CLCA4: variants seen among roughly 807,000 people sequenced by gnomAD.
The protein encoded by CLCA4 is calcium-activated chloride channel regulator 4.
A neutral mutation model predicts 78.9 loss-of-function variants in CLCA4; 69 were observed. The ratio of observed to expected loss-of-function variants is 0.87; its 90% CI spans 0.72 to 1.07. CLCA4 has a LOEUF of 1.07. CLCA4 is among the 50% of genes least tolerant of loss of function. The pLI, the probability that CLCA4 is intolerant of heterozygous loss-of-function variation, is 0.00. For synonymous variants in CLCA4, 362 were observed against 375.8 expected (o/e 0.96, Z 0.42); for missense variants, 1,133 against 1,095.8 (o/e 1.03, Z -0.48).
rs754468914 is a variant in CLCA4 at position 86,579,436 on chromosome 1, C to T, written c.2205C>T (p.Ser735=). ...TGGAGGATTTCAGCCGAACAGCATC[C>T]GGAGGTGCATTTGTGGTATCACAAG... The part of the protein sequence containing the change: ...TTLEDFSRTA[S]GGAFVVSQVP... The change falls in exon 13 of 14, where the codon TCC becomes TCT. Residue 735 remains serine (S), a synonymous_variant. Transcript: ENST00000370563. The T allele has an allele frequency of 4.7e-5, 76 of 1,613,116 alleles. No individual in the cohort carries two copies. The highest frequency in any genetic ancestry group is 2.7e-4 in the Admixed American group (16 of 59,866).
At chr1:86,567,257 A>AT (rs543889329) in intron 6 of CLCA4, among the ~76,000 whole-genome samples, 167 bp from the exon 7 acceptor site, 24 of 151,998 alleles carry the variant, frequency 1.6e-4, no homozygotes, top group Admixed American at 1.4e-3. Flanking sequence ...ACACACCACC[A>AT]TTTTTTTAAT....
rs765923973 is a variant in CLCA4, at chr1:86,575,507, G to A, written c.1859G>A (p.Gly620Glu). 49 of 1,613,362 alleles carry A rather than the reference G, an allele frequency of 3.0e-5. No homozygotes were observed. The highest frequency in any genetic ancestry group is 2.3e-5 in the Non-Finnish European group (27 of 1,179,502). ...PMIVYAEILQ[G>E]YVPVLGANVT... ...ATTGTTTACGCAGAAATTCTACAAG[G>A]ATATGTACCTGTTCTTGGAGCCAAT... Residue 620 changes from glycine to glutamate, a missense_variant, in exon 11 of 14, where the codon GGA becomes GAA. Transcript: ENST00000370563.
At chr1:86,559,102 G>T (rs1420636993) in intron 1 of CLCA4, among the ~76,000 whole-genome samples, 2 of 152,116 alleles carry the variant, frequency 1.3e-5, no homozygotes, top group African/African-American at 4.8e-5. Context: ...CTCCTAGCAG[G>T]TTTGGGGAAG....
At position 86,565,831 on chromosome 1, in the gene CLCA4, T is replaced by A; in HGVS notation, c.765T>A (p.His255Gln). ...TTGAATTTTGTAACGAAAAAACCCA[T>A]AATCAAGAAGCTCCAAGCCTACAAA... ...SVVEFCNEKTHNQEAPSLQNI... is the reference protein window; with the variant it reads ...SVVEFCNEKTQNQEAPSLQNI... Residue 255 changes from histidine to glutamine, a missense_variant, in exon 6 of 14, where the codon CAT (histidine) becomes CAA (glutamine). Coordinates refer to ENST00000370563, the MANE Select transcript of CLCA4 (RefSeq NM_012128.4). 1 of 1,549,758 alleles carries A rather than the reference T, an allele frequency of 6.5e-7. No individual in the cohort carries two copies. Among genetic ancestry groups the A allele is most frequent in the Non-Finnish European group, 8.7e-7 (1 of 1,149,060 alleles).
In CLCA4 at chr1:86,560,008, T is replaced by G. The variant is rs773085050; in HGVS notation, c.236T>G (p.Leu79Ter). 1.2e-6 allele frequency: 2 copies of G among 1,609,412 alleles called. No homozygotes were observed. Among genetic ancestry groups the G allele is most frequent in the South Asian group, 2.2e-5 (2 of 89,866 alleles). ...KRFFFKNVSI[L>*]IPENWKENPQ... ...TTTTTTTTCAAAAATGTATCTATAT[T>G]AATTCCTGAGAATTGGAAGGAAAAT... The change falls in exon 2 of 14, where the codon TTA becomes TGA. Residue 79 changes from leucine to a stop codon, truncating the protein, a stop_gained. Transcript: ENST00000370563. LOFTEE classifies it high-confidence loss of function.
chr1:86,561,292 C>T (rs1053652589), intron 3 of CLCA4, among the ~76,000 whole-genome samples: 4 of 152,214 alleles, frequency 2.6e-5, no homozygotes, highest in Non-Finnish European at 5.9e-5. Context: ...GGCATGTCCA[C>T]CAAAGTCAGT....
Position 86,571,236 on chromosome 1 carries a change from G to A in CLCA4, c.1342G>A (p.Glu448Lys), listed in dbSNP as rs778031028. The A allele has an allele frequency of 1.9e-6, 3 of 1,611,990 alleles. No individual in the cohort carries two copies. Among genetic ancestry groups the A allele is most frequent in the Non-Finnish European group, 2.5e-6 (3 of 1,178,618 alleles). ...LGRAADEAVI[E>K]MSKITGGSHF... ...AAGAGCTGCTGATGAAGCAGTAATA[G>A]AGATGAGCAAGATAACAGGTAAAAC... The change falls in exon 8 of 14, where the codon GAG becomes AAG. Residue 448 changes from glutamate to lysine, a missense_variant. Physicochemically the swap from Glu to Lys is moderately conservative, Grantham distance 56 (BLOSUM62 1). Transcript: ENST00000370563.
chr1:86,565,496 A>T lies in CLCA4; in HGVS notation c.735+45A>T, dbSNP rs1371342156. On this transcript the variant is annotated intron_variant, in intron 5 of 13. Coordinates refer to ENST00000370563, the MANE Select transcript of CLCA4 (RefSeq NM_012128.4). ...CTTCCAGAATTTATAATCAAATGAC[A>T]TATTGTCATGTTTTTAAAGTATCTG... 1.1e-5 allele frequency: 16 copies of T among 1,409,962 alleles called. No individual in the cohort carries two copies. In the South Asian group the frequency reaches 1.7e-4, roughly 15 times the overall value. The allele number at this position is 1,409,962 out of a possible 1,614,324, so 87.3% of individuals were successfully genotyped here.
intron 13 of CLCA4, 40 bp downstream of exon 13, chr1:86,579,627 G>A: frequency 6.6e-7 from 1 of 1,518,526 alleles, no homozygotes; most frequent in Non-Finnish European, 9.1e-7. Flanking sequence ...TTAAGTAAAA[G>A]GTGCTAATTG....
rs537277586 is a variant in CLCA4, at chr1:86,578,040, G to A, written c.2090G>A (p.Arg697Lys). 2.0e-5 allele frequency: 32 copies of A among 1,612,558 alleles called. No homozygotes were observed. The highest frequency in any genetic ancestry group is 1.3e-5 in the African/African-American group (1 of 74,940). The change falls in exon 12 of 14, where the codon AGA (arginine) becomes AAA (lysine). Residue 697 changes from arginine to lysine, a missense_variant. By Grantham distance (26) the Arg-to-Lys change is conservative. Coordinates refer to ENST00000370563, the MANE Select transcript of CLCA4 (RefSeq NM_012128.4). ...CTAAAATTACGGCCTCCACTGAATA[G>A]AGCCGCGTACATACCAGGCTGGGTA... is the stretch of plus-strand genomic sequence containing the variant. ...ARLKLRPPLN[R>K]AAYIPGWVVN...
intron 4 of CLCA4, among the ~76,000 whole-genome samples, chr1:86,564,762 T>C (rs1041314772): frequency 1.3e-5 from 2 of 152,166 alleles, no homozygotes; most frequent in African/African-American, 4.8e-5. Context: ...ACCATGGGAT[T>C]CTTGGCAGCA....
At chr1:86,565,595 A>G (rs1341482026) in intron 5 of CLCA4, 144 bp downstream of exon 5, 1 of 705,112 alleles carries the variant, frequency 1.4e-6, no homozygotes, top group African/African-American at 1.8e-5. Flanking sequence ...TATTTGCTGA[A>G]CTAGTGCTAT....
rs759244513 is a variant in CLCA4 at position 86,547,106 on chromosome 1, A to T, written c.-14A>T. On this transcript the variant is annotated 5_prime_UTR_variant, in exon 1 of 14. Transcript: ENST00000370563. ...CAAACCAACATTTGAGCCAGGAATA[A>T]CTAGAGAGGAACAATGGGGTTATTC... 1.4e-5 allele frequency: 23 copies of T among 1,594,240 alleles called. No individual in the cohort carries two copies. In the Admixed American group the frequency reaches 3.9e-4, roughly 27 times the overall value.
chr1:86,576,597 G>A (rs1650529503), intron 11 of CLCA4, among the ~76,000 whole-genome samples: 1 of 152,098 alleles, frequency 6.6e-6, no homozygotes, highest in African/African-American at 2.4e-5. Context: ...AGCCTGGCTA[G>A]AGAGAGGGTG....
At chr1:86,560,608 A>G (rs1341544658) in intron 3 of CLCA4, among the ~76,000 whole-genome samples, 3 of 152,206 alleles carry the variant, frequency 2.0e-5, no homozygotes, top group Non-Finnish European at 4.4e-5. Context: ...AGACAAATAT[A>G]CTCAGTACAG....
intron 1 of CLCA4, among the ~76,000 whole-genome samples, chr1:86,549,041 G>A (rs1649583108): frequency 6.6e-6 from 1 of 152,180 alleles, no homozygotes; most frequent in South Asian, 2.1e-4. Context: ...ACCATGCAGT[G>A]TATCTTCTTT....
intron 1 of CLCA4, chr1:86,552,725 C>T: frequency 5.6e-6 from 8 of 1,420,018 alleles, no homozygotes; most frequent in Middle Eastern, 3.6e-4. Context: ...GAGCCCTTCA[C>T]AGGGGCCCGG....
At chr1:86,559,564 G>T (rs1649951532) in intron 1 of CLCA4, among the ~76,000 whole-genome samples, 1 of 152,166 alleles carries the variant, frequency 6.6e-6, no homozygotes, top group Non-Finnish European at 1.5e-5. Flanking sequence ...AGGAAACTGA[G>T]ATTCGGAGCA....
At chr1:86,575,212 A>G in intron 10 of CLCA4, 120 bp from the exon 11 acceptor site, 1 of 886,034 alleles carries the variant, frequency 1.1e-6, no homozygotes, top group Non-Finnish European at 1.7e-6. Context: ...ATTTATCCTC[A>G]ACATCCTTAA....
Sources: gnomAD v4.1 joint callset for allele counts (sites outside exome capture counted in the v4.1 genomes callset) on GRCh38, gnomAD v4.1.1 for gene constraint, MANE v1.5 for transcripts, NCBI Gene and HGNC (gene_info 2026-07-23, HGNC 2026-07-21) for gene names.